AKAP19: variants seen among roughly 807,000 people sequenced by gnomAD.
AKAP19 encodes the protein small A-kinase anchoring protein.
chr2:189,925,367 C>T, the AKAP19 span, among the ~76,000 whole-genome samples: 12 of 152,092 alleles, frequency 7.9e-5, no homozygotes, highest in Non-Finnish European at 1.6e-4. Context: ...ATAGAATATA[C>T]TAGACTTAAT....
chr2:190,031,633 A>C, the AKAP19 span, among the ~76,000 whole-genome samples: 1 of 152,170 alleles, frequency 6.6e-6, no homozygotes, highest in Non-Finnish European at 1.5e-5. Flanking sequence ...TGAAAAGAGG[A>C]ACTCAGAAGC....
At chr2:189,926,290 T>G in the AKAP19 span, among the ~76,000 whole-genome samples, 2 of 152,144 alleles carry the variant, frequency 1.3e-5, no homozygotes, top group Non-Finnish European at 2.9e-5. Context: ...CTTTTTTTGT[T>G]TTGTTTTGTT....
chr2:190,027,670 A>T, the AKAP19 span, among the ~76,000 whole-genome samples: 1 of 152,178 alleles, frequency 6.6e-6, no homozygotes, highest in African/African-American at 2.4e-5. Context: ...ACTTGTAGAT[A>T]ATCCTGGAAT....
At chr2:190,147,479 G>A in the AKAP19 span, among the ~76,000 whole-genome samples, 3 of 152,172 alleles carry the variant, frequency 2.0e-5, no homozygotes, top group Middle Eastern at 3.4e-3. Flanking sequence ...TTGGCTATGC[G>A]GGCTCTTTTT....
At chr2:189,901,019 G>A in the AKAP19 span, among the ~76,000 whole-genome samples, 7 of 152,106 alleles carry the variant, frequency 4.6e-5, no homozygotes, top group Non-Finnish European at 8.8e-5. Flanking sequence ...TTGCACGGGA[G>A]GTCTGTGTCC....
chr2:190,193,926 A>G, the AKAP19 span, among the ~76,000 whole-genome samples: 1 of 152,208 alleles, frequency 6.6e-6, no homozygotes, highest in Admixed American at 6.5e-5. Flanking sequence ...GCATTTAAGT[A>G]TATAAATTTC....
the AKAP19 span, among the ~76,000 whole-genome samples, chr2:190,013,754 A>T: frequency 4.6e-5 from 7 of 151,888 alleles, no homozygotes; most frequent in Non-Finnish European, 8.8e-5. Flanking sequence ...TCCTGACCTC[A>T]TGATCCACCC....
At chr2:189,967,497 A>C in the AKAP19 span, among the ~76,000 whole-genome samples, 1 of 152,194 alleles carries the variant, frequency 6.6e-6, no homozygotes, top group Admixed American at 6.5e-5. Flanking sequence ...CCACAAACCT[A>C]AAATTCTACA....
At chr2:190,019,499 T>C in the AKAP19 span, among the ~76,000 whole-genome samples, 1 of 152,064 alleles carries the variant, frequency 6.6e-6, no homozygotes, top group Non-Finnish European at 1.5e-5. Context: ...TTTGCCAGTG[T>C]ATTATGTATT....
At chr2:190,052,957 A>G in the AKAP19 span, among the ~76,000 whole-genome samples, 1 of 152,216 alleles carries the variant, frequency 6.6e-6, no homozygotes, top group East Asian at 1.9e-4. Context: ...GAACTAATAA[A>G]ATGACATTTT....
chr2:190,173,265 T>C, the AKAP19 span, among the ~76,000 whole-genome samples: 1 of 152,200 alleles, frequency 6.6e-6, no homozygotes, highest in Non-Finnish European at 1.5e-5. Context: ...TTAAGTGAAA[T>C]ATCACAAACC....
the AKAP19 span, among the ~76,000 whole-genome samples, chr2:189,889,952 CT>C: frequency 6.6e-6 from 1 of 152,092 alleles, no homozygotes; most frequent in Non-Finnish European, 1.5e-5. Flanking sequence ...TTAGTTATTT[CT>C]GGTCTTCTGC....
chr2:190,099,429 A>G, the AKAP19 span, among the ~76,000 whole-genome samples: 22 of 152,224 alleles, frequency 1.4e-4, no homozygotes, highest in African/African-American at 5.1e-4. Flanking sequence ...CAGGACACAT[A>G]CAACATTTAT....
chr2:190,116,297 GA>G, the AKAP19 span, among the ~76,000 whole-genome samples: 2 of 152,188 alleles, frequency 1.3e-5, no homozygotes, highest in Non-Finnish European at 1.5e-5. Flanking sequence ...TGCATCTGGT[GA>G]GGGCCTTCTT....
chr2:190,068,570 A>G, the AKAP19 span, among the ~76,000 whole-genome samples: 3 of 152,252 alleles, frequency 2.0e-5, no homozygotes, highest in Non-Finnish European at 4.4e-5. Flanking sequence ...GCCTCAAGTC[A>G]TCCATCCGCC....
chr2:189,908,648 G>A, the AKAP19 span, among the ~76,000 whole-genome samples: 187 of 152,178 alleles, frequency 1.2e-3, no homozygotes, highest in Non-Finnish European at 1.9e-3. Context: ...TAATGTCCAC[G>A]TATTTGGGGA....
At chr2:189,917,203 T>G in the AKAP19 span, 1 of 808,278 alleles carries the variant, frequency 1.2e-6, no homozygotes, top group East Asian at 2.8e-5. Flanking sequence ...TCAAACAAAA[T>G]GCAGTGATCA....
the AKAP19 span, among the ~76,000 whole-genome samples, chr2:189,903,957 T>G: frequency 7.2e-5 from 11 of 152,232 alleles, no homozygotes; most frequent in African/African-American, 2.6e-4. Flanking sequence ...TCTATGTTAC[T>G]GCTGATTATG....
At chr2:189,989,552 T>G in the AKAP19 span, among the ~76,000 whole-genome samples, 2 of 151,822 alleles carry the variant, frequency 1.3e-5, no homozygotes, top group Non-Finnish European at 2.9e-5. Flanking sequence ...CAAAATGTTC[T>G]GTCAGAACAT....
Sources: allele counts gnomAD v4.1 joint callset (sites outside exome capture counted in the v4.1 genomes callset), GRCh38; gene constraint gnomAD v4.1.1; transcripts MANE v1.5; gene names NCBI Gene and HGNC (gene_info 2026-07-23, HGNC 2026-07-21).